Variants in PAQR5 observed in about 807,000 individuals in gnomAD.
PAQR5 encodes membrane progestin receptor gamma.
Under a neutral mutation model 34.5 loss-of-function variants are expected in PAQR5, and 20 were observed. That is an observed-to-expected ratio of 0.58 (90% CI 0.41 to 0.84). The LOEUF is 0.84. PAQR5 is among the 40% of genes least tolerant of loss of function. The pLI is 0.00. For missense variants in PAQR5, 378 were observed against 412.7 expected (o/e 0.92, Z 0.73); for synonymous variants, 131 against 155.6 (o/e 0.84, Z 1.18).
intron 1 of PAQR5, among the ~76,000 whole-genome samples, chr15:69,300,613 CTT>C (rs1223811469): frequency 2.0e-5 from 1 of 51,000 alleles, no homozygotes; most frequent in African/African-American, 6.4e-5. Context: ...TTCTTTCTTT[CTT>C]TCTTTCTTTC....
At chr15:69,354,124 G>A (rs535358012) in intron 2 of PAQR5, among the ~76,000 whole-genome samples, 12 of 152,252 alleles carry the variant, frequency 7.9e-5, no homozygotes, top group South Asian at 2.1e-4. Context: ...CTAACAAATG[G>A]CCCAGACCCT....
chr15:69,303,838 T>A (rs970063624), intron 1 of PAQR5, among the ~76,000 whole-genome samples: 1 of 152,202 alleles, frequency 6.6e-6, no homozygotes, highest in Non-Finnish European at 1.5e-5. Flanking sequence ...GAGGAGCAGA[T>A]CTTGTGCAGG....
intron 1 of PAQR5, among the ~76,000 whole-genome samples, chr15:69,318,824 ATATGT>A (rs2054014089): frequency 6.7e-6 from 1 of 148,202 alleles, no homozygotes; most frequent in Non-Finnish European, 1.5e-5. Context: ...AATTATTATA[ATATGT>A]TATAATAAAA....
intron 8 of PAQR5, among the ~76,000 whole-genome samples, chr15:69,402,465 G>A (rs2056663013): frequency 6.6e-6 from 1 of 152,002 alleles, no homozygotes; most frequent in Admixed American, 6.6e-5. Context: ...TTACAGGCAC[G>A]TGTCACCATG....
At chr15:69,396,045 G>A (rs779091176) in intron 6 of PAQR5, among the ~76,000 whole-genome samples, 5 of 151,662 alleles carry the variant, frequency 3.3e-5, no homozygotes, top group South Asian at 4.2e-4. Context: ...GAGAATGTCC[G>A]CATCCTCAGA....
intron 6 of PAQR5, among the ~76,000 whole-genome samples, chr15:69,390,771 T>C (rs534768199): frequency 2.0e-5 from 3 of 151,984 alleles, no homozygotes; most frequent in African/African-American, 7.2e-5. Flanking sequence ...GTTATTCAAA[T>C]GCCCTATGCA....
In PAQR5 at chr15:69,316,871, G is replaced by A. The variant is rs180851441; in HGVS notation, c.-277+17815G>A. Among the ~76,000 whole-genome samples the A allele has an allele frequency of 2.5e-3, 380 of 152,232 alleles. 5 individuals carry two copies. Among genetic ancestry groups the A allele is most frequent in the African/African-American group, 8.8e-3 (364 of 41,544 alleles). On this transcript the variant is annotated intron_variant, in intron 1 of 8. Coordinates refer to ENST00000395407, the MANE Select transcript of PAQR5 (RefSeq NM_017705.4). ...AGTCTTGCTCTGTCCCCCAGGCTGC[G>A]TGCAGTGGTGGGATTTTGGCTCACT...
At chr15:69,361,253 A>G (rs1313615075) in intron 3 of PAQR5, among the ~76,000 whole-genome samples, 1 of 152,194 alleles carries the variant, frequency 6.6e-6, no homozygotes, top group Non-Finnish European at 1.5e-5. Flanking sequence ...GAATTTATTT[A>G]CTCATGAAAT....
At chr15:69,300,910 T>TC (rs55997268) in intron 1 of PAQR5, among the ~76,000 whole-genome samples, 1 of 25,552 alleles carries the variant, frequency 3.9e-5, no homozygotes, top group African/African-American at 8.2e-5. Context: ...CCTTCCTTCC[T>TC]TCCTTTCTCT....
rs756362876 is a variant in PAQR5, at chr15:69,379,893, A to G, written c.62A>G (p.Glu21Gly). 17 of 1,613,804 alleles carry G rather than the reference A, an allele frequency of 1.1e-5. No individual in the cohort carries two copies. Among genetic ancestry groups the G allele is most frequent in the Non-Finnish European group, 1.4e-5 (17 of 1,179,966 alleles). ...CCTTTGCCTCTGCAGGTGTTCCATGAGCAAGGCATCCTGTTCGGCTACCGC... is the reference window on the plus strand; with the variant it reads ...CCTTTGCCTCTGCAGGTGTTCCATGGGCAAGGCATCCTGTTCGGCTACCGC... ...SIDQIPQVFHEQGILFGYRHP... is the reference protein window; with the variant it reads ...SIDQIPQVFHGQGILFGYRHP... The change falls in exon 4 of 9, where the codon GAG (glutamate) becomes GGG (glycine). Residue 21 changes from glutamate (E) to glycine (G), a missense_variant. Glu to Gly is a moderately conservative substitution (Grantham distance 98). Coordinates refer to ENST00000395407, the MANE Select transcript of PAQR5 (RefSeq NM_017705.4).
intron 2 of PAQR5, among the ~76,000 whole-genome samples, chr15:69,356,074 C>T (rs574770105): frequency 3.5e-4 from 53 of 152,306 alleles, no homozygotes; most frequent in African/African-American, 1.1e-3. Flanking sequence ...ATATGGTCAT[C>T]CTACCTAAAT....
chr15:69,300,700 CTCTCTTTCTTTCTTTCTT>C lies in PAQR5; in HGVS notation c.-277+1648_-277+1665del, dbSNP rs1310127105. ...TCTTCCTTCCTCCCTCCCTCTCTCTCTCTCTTTCTTTCTTTCTTTCTTTCTTTCTTTCTTTCTTTCTTT... is the reference window on the plus strand; with the variant it reads ...TCTTCCTTCCTCCCTCCCTCTCTCTCTCTTTCTTTCTTTCTTTCTTTCTTT... On this transcript the variant is annotated intron_variant, in intron 1 of 8. Transcript: ENST00000395407. 1.1e-3 allele frequency among the ~76,000 whole-genome samples: 7 copies of C among 6,374 alleles called. 1 individual carries two copies. The highest frequency in any genetic ancestry group is 3.3e-3 in the Non-Finnish European group (6 of 1,846). The allele number at this position is 6,374 out of a possible 152,430, so 4.2% of individuals were successfully genotyped here. A position where few individuals can be genotyped will look rare whatever the true frequency, so the allele number is the denominator to read the frequency against.
At chr15:69,301,718 TC>T (rs1253374972) in intron 1 of PAQR5, among the ~76,000 whole-genome samples, 3 of 152,066 alleles carry the variant, frequency 2.0e-5, no homozygotes, top group Non-Finnish European at 1.5e-5. Flanking sequence ...TAGCCTGGCC[TC>T]CCTGGTTGGC....
chr15:69,393,974 G>C (rs1449539983), intron 6 of PAQR5, among the ~76,000 whole-genome samples: 1 of 152,184 alleles, frequency 6.6e-6, no homozygotes, highest in Non-Finnish European at 1.5e-5. Context: ...GGGGGTGGCC[G>C]AGGCCCTGGC....
intron 3 of PAQR5, among the ~76,000 whole-genome samples, chr15:69,378,458 A>AGAG (rs1555421348): frequency 7.0e-6 from 1 of 143,762 alleles, no homozygotes; most frequent in African/African-American, 2.8e-5. Flanking sequence ...AAAAAAAAAA[A>AGAG]AGAGAGAGAG....
In PAQR5 at chr15:69,302,230, G is replaced by A. The variant is rs112563225; in HGVS notation, c.-277+3174G>A. Reference sequence around the variant, plus strand: ...TGGGACTATAGGCATGCACCACCGTGCCCAGCTAATTTTTGTATTTTTTGT... The same window carrying A: ...TGGGACTATAGGCATGCACCACCGTACCCAGCTAATTTTTGTATTTTTTGT... On this transcript the variant is annotated intron_variant, in intron 1 of 8. Coordinates refer to ENST00000395407, the MANE Select transcript of PAQR5 (RefSeq NM_017705.4). Among the ~76,000 whole-genome samples the A allele has an allele frequency of 2.1e-4, 32 of 152,056 alleles. 1 individual carries two copies. Among genetic ancestry groups the A allele is most frequent in the Non-Finnish European group, 5.9e-5 (4 of 68,010 alleles).
chr15:69,373,364 G>C (rs775911440), intron 3 of PAQR5, among the ~76,000 whole-genome samples: 8 of 152,086 alleles, frequency 5.3e-5, no homozygotes, highest in Non-Finnish European at 8.8e-5. Flanking sequence ...TGTAGAGTTA[G>C]CAACCATGTT....
chr15:69,336,714 TAGAC>T (rs1443703133), intron 1 of PAQR5, among the ~76,000 whole-genome samples: 1 of 152,208 alleles, frequency 6.6e-6, no homozygotes, highest in Non-Finnish European at 1.5e-5. Flanking sequence ...GACTTTAGAA[TAGAC>T]AGAAAACTTT....
At position 69,380,025 on chromosome 15, in the gene PAQR5, C is replaced by A; in HGVS notation, c.179+15C>A. On this transcript the variant is annotated intron_variant, in intron 4 of 8. Coordinates refer to ENST00000395407, the MANE Select transcript of PAQR5 (RefSeq NM_017705.4). Reference sequence around the variant, plus strand: ...CTGCCCTTCTGGTACCTTCTGGCCCCCTCGACCGGCCTGTCTCCTTCAGGA... The same window carrying A: ...CTGCCCTTCTGGTACCTTCTGGCCCACTCGACCGGCCTGTCTCCTTCAGGA... The A allele has an allele frequency of 6.2e-7, 1 of 1,613,362 alleles. No homozygotes were observed. Among genetic ancestry groups the A allele is most frequent in the Non-Finnish European group, 8.5e-7 (1 of 1,179,592 alleles).
Sources: allele counts gnomAD v4.1 joint callset (sites outside exome capture counted in the v4.1 genomes callset), GRCh38; gene constraint gnomAD v4.1.1; transcripts MANE v1.5; gene names NCBI Gene and HGNC (gene_info 2026-07-23, HGNC 2026-07-21).